The following TBCK variants were observed in gnomAD, a reference collection of about 807,000 sequenced individuals.
The protein encoded by TBCK is TBC domain-containing protein kinase-like protein.
Under a neutral mutation model 113.4 loss-of-function variants are expected in TBCK, and 99 were observed. The observed-to-expected ratio is 0.87, with a 90% CI of 0.74 to 1.03. The LOEUF is 1.03. TBCK is among the 50% of genes least tolerant of loss of function. TBCK has a pLI of 0.00. For synonymous variants in TBCK, 369 were observed against 370.8 expected (o/e 1.00, Z 0.05); for missense variants, 1,045 against 1,061.3 (o/e 0.98, Z 0.21).
intron 22 of TBCK, among the ~76,000 whole-genome samples, chr4:106,181,479 T>C (rs899514680): frequency 1.8e-4 from 28 of 152,226 alleles, no homozygotes; most frequent in Non-Finnish European, 5.9e-5. Context: ...CCAGGTTTTC[T>C]TGTAGGATTT....
chr4:106,269,600 A>G (rs1763291297), intron 3 of TBCK, among the ~76,000 whole-genome samples: 1 of 152,178 alleles, frequency 6.6e-6, no homozygotes. Context: ...CCTCAGATTC[A>G]GATGTTTTGA....
At chr4:106,088,610 G>C (rs1401787559) in intron 25 of TBCK, among the ~76,000 whole-genome samples, 2 of 152,060 alleles carry the variant, frequency 1.3e-5, no homozygotes, top group African/African-American at 4.8e-5. Context: ...TATACCCAAG[G>C]AATAGAAATC....
chr4:106,313,656 C>T (rs770794546), intron 1 of TBCK, among the ~76,000 whole-genome samples: 2 of 152,134 alleles, frequency 1.3e-5, no homozygotes, highest in Non-Finnish European at 2.9e-5. Context: ...AGGAGCAATA[C>T]AAAAGGACTA....
intron 22 of TBCK, among the ~76,000 whole-genome samples, chr4:106,188,373 A>T (rs1170188255): frequency 1.3e-5 from 2 of 152,236 alleles, no homozygotes; most frequent in Admixed American, 1.3e-4. Flanking sequence ...ATCTACTTCA[A>T]AAGTGAAAAA....
rs1750998405 is a variant in TBCK at position 106,171,421 on chromosome 4, A to G, written c.2060-151T>C. On this transcript the variant is annotated intron_variant, in intron 22 of 25. Transcript: ENST00000394708. Reference sequence around the variant, plus strand: ...TGTCAGTAAAAAAAACAATGTATATATTAATCAGCATATTTATGACTGGAT... The same window carrying G: ...TGTCAGTAAAAAAAACAATGTATATGTTAATCAGCATATTTATGACTGGAT... 5.0e-6 allele frequency: 3 copies of G among 599,672 alleles called. No homozygotes were observed. The African/African-American group carries it at 5.7e-5, about 11-fold the overall frequency. The allele number at this position is 599,672 out of a possible 1,614,324, so 37.1% of individuals were successfully genotyped here.
At chr4:106,217,822 C>G (rs1757152713) in intron 19 of TBCK, among the ~76,000 whole-genome samples, 1 of 149,354 alleles carries the variant, frequency 6.7e-6, no homozygotes, top group Non-Finnish European at 1.5e-5. Context: ...CAATGCTATC[C>G]CCATAAAGCT....
At chr4:106,140,882 T>A (rs1347198737) in intron 23 of TBCK, among the ~76,000 whole-genome samples, 1 of 140,242 alleles carries the variant, frequency 7.1e-6, no homozygotes, top group African/African-American at 2.5e-5. Flanking sequence ...AAATAGAAAT[T>A]AGGACAGAGC....
At position 106,281,519 on chromosome 4, in the gene TBCK, T is replaced by A. The variant is rs149886902; in HGVS notation, c.266+13575A>T. ...CAGATCTTAGTAAAAAGGCTTTCAG[T>A]TTTTCCCCCTTCAGTATAATGCTAT... On this transcript the variant is annotated intron_variant, in intron 3 of 25. Transcript: ENST00000394708. Among the ~76,000 whole-genome samples, 976 of 152,186 alleles carry A rather than the reference T, an allele frequency of 6.4e-3. 4 individuals carry two copies. The highest frequency in any genetic ancestry group is 0.013 in the South Asian group (62 of 4,810).
In TBCK at chr4:106,174,535, T is replaced by A. The variant is rs1388520488; in HGVS notation, c.2060-3265A>T. The stretch of plus-strand genomic sequence containing the variant: ...TCTGTTAAGTTTTAGGATCCCTGTA[T>A]TATGAAATTTCATGGTGATATACTT... On this transcript the variant is annotated intron_variant, in intron 22 of 25. Transcript: ENST00000394708. Among the ~76,000 whole-genome samples the A allele has an allele frequency of 2.0e-5, 3 of 152,152 alleles. No individual in the cohort carries two copies. In the East Asian group the frequency reaches 5.8e-4, roughly 29 times the overall value.
At chr4:106,061,482 A>T (rs1031420052) in intron 25 of TBCK, among the ~76,000 whole-genome samples, 1 of 146,158 alleles carries the variant, frequency 6.8e-6, no homozygotes, top group Admixed American at 6.9e-5. Context: ...TGATTAAGGT[A>T]TGTATGTACT....
chr4:106,185,645 A>T (rs557091592), intron 22 of TBCK, among the ~76,000 whole-genome samples: 2 of 152,238 alleles, frequency 1.3e-5, no homozygotes, highest in Non-Finnish European at 2.9e-5. Flanking sequence ...TAATGGGAAG[A>T]CTGAGACCTA....
intron 23 of TBCK, among the ~76,000 whole-genome samples, chr4:106,146,316 G>T (rs949670563): frequency 2.6e-5 from 4 of 152,128 alleles, no homozygotes; most frequent in African/African-American, 4.8e-5. Context: ...GGAGCTGAAG[G>T]CTATTATCCT....
At chr4:106,254,617 A>C (rs1761790746) in intron 5 of TBCK, among the ~76,000 whole-genome samples, 1 of 152,080 alleles carries the variant, frequency 6.6e-6, no homozygotes, top group Admixed American at 6.6e-5. Flanking sequence ...TCAAAATTTC[A>C]GTTTAGCCTT....
At chr4:106,283,350 A>G (rs1367889453) in intron 3 of TBCK, among the ~76,000 whole-genome samples, 1 of 152,162 alleles carries the variant, frequency 6.6e-6, no homozygotes, top group Non-Finnish European at 1.5e-5. Context: ...ACTAACAATT[A>G]TAAGCCTGAA....
chr4:106,153,336 G>A (rs28843476), intron 23 of TBCK, among the ~76,000 whole-genome samples: 9,685 of 152,044 alleles, frequency 0.064, 362 homozygotes, highest in Non-Finnish European at 0.082. Flanking sequence ...TGAAGAGCAT[G>A]CTGTTTAATT....
chr4:106,251,267 C>T (rs1347601867), intron 6 of TBCK: 2 of 158,596 alleles, frequency 1.3e-5, no homozygotes, highest in African/African-American at 4.8e-5. Context: ...GAATATGCTT[C>T]ATTAATGTTG....
chr4:106,286,876 C>T (rs373135422), intron 3 of TBCK, among the ~76,000 whole-genome samples: 38 of 129,530 alleles, frequency 2.9e-4, no homozygotes, highest in African/African-American at 1.1e-3. Flanking sequence ...AAGCGAGAAC[C>T]TGTCTCAAAA....
chr4:106,111,069 C>T (rs1016115825), intron 24 of TBCK, among the ~76,000 whole-genome samples: 2 of 152,098 alleles, frequency 1.3e-5, no homozygotes, highest in Non-Finnish European at 2.9e-5. Context: ...CTCTGCAGAC[C>T]TCTTTCTAAC....
At chr4:106,262,809 CAA>C (rs2150103218) in intron 3 of TBCK, among the ~76,000 whole-genome samples, 1 of 152,008 alleles carries the variant, frequency 6.6e-6, no homozygotes, top group East Asian at 1.9e-4. Context: ...TCTCTCTCAC[CAA>C]CCATCTCCCT....
Sources: gnomAD v4.1 joint callset for allele counts (sites outside exome capture counted in the v4.1 genomes callset) on GRCh38, gnomAD v4.1.1 for gene constraint, MANE v1.5 for transcripts, NCBI Gene and HGNC (gene_info 2026-07-23, HGNC 2026-07-21) for gene names.